The following CYLC1 variants were observed in gnomAD, a reference collection of about 807,000 sequenced individuals.
The protein encoded by CYLC1 is cylicin-1.
Under a neutral mutation model 31.6 loss-of-function variants are expected in CYLC1, and 2 were observed. The observed-to-expected ratio is 0.06, with a 90% CI of 0.03 to 0.20. CYLC1 has a LOEUF of 0.20. Ranked by LOEUF, CYLC1 falls within the 10% of genes least tolerant of loss-of-function variation. CYLC1 has a pLI of 1.00. For synonymous variants in CYLC1, 185 were observed against 153.0 expected (o/e 1.21, Z -1.54); for missense variants, 595 against 424.1 (o/e 1.40, Z -3.54).
Position 83,874,485 on chromosome X carries a change from G to C in CYLC1, c.1777G>C (p.Glu593Gln), listed in dbSNP as rs745762156. Residue 593 changes from glutamate (E) to glutamine (Q), a missense_variant, in exon 4 of 5, where the codon GAA becomes CAA. Glu to Gln is a conservative substitution (Grantham distance 29, BLOSUM62 2). Coordinates refer to ENST00000329312, the MANE Select transcript of CYLC1 (RefSeq NM_021118.3). The part of the protein sequence containing the change: ...SKKTTFNEKG[E>Q]KASTGRVPPS... Reference sequence around the variant, plus strand: ...AAAGACTACATTCAATGAAAAAGGGGAAAAAGCAAGTACAGGTAGAGTTCC... The same window carrying C: ...AAAGACTACATTCAATGAAAAAGGGCAAAAAGCAAGTACAGGTAGAGTTCC... 8.3e-7 allele frequency: 1 copy of C among 1,209,428 alleles called. No homozygotes were observed. Among genetic ancestry groups the C allele is most frequent in the Admixed American group, 2.2e-5 (1 of 45,659 alleles).
At chrX:83,864,815 C>T (rs1342252511) in intron 1 of CYLC1, 1 of 224,968 alleles carries the variant, frequency 4.4e-6, no homozygotes, top group Non-Finnish European at 8.2e-6. Flanking sequence ...ATATTCTTCT[C>T]TTGGTTATCA....
chrX:83,879,046 A>G (rs1173324825), intron 4 of CYLC1, among the ~76,000 whole-genome samples: 1 of 110,145 alleles, frequency 9.1e-6, no homozygotes, highest in Non-Finnish European at 1.9e-5. Context: ...TATAAATCTT[A>G]GCAATATTCT....
chrX:83,861,833 C>A (rs2031511877), intron 1 of CYLC1, among the ~76,000 whole-genome samples: 2 of 110,711 alleles, frequency 1.8e-5, no homozygotes, highest in African/African-American at 6.6e-5. Flanking sequence ...TTACACCTAC[C>A]AGATAATATC....
intron 1 of CYLC1, among the ~76,000 whole-genome samples, chrX:83,865,282 G>A (rs759377255): frequency 8.2e-5 from 9 of 109,934 alleles, no homozygotes; most frequent in Non-Finnish European, 1.1e-4. Flanking sequence ...ACACACACAC[G>A]CACCAACATA....
At chrX:83,884,234 G>T (rs370871350) in intron 4 of CYLC1, among the ~76,000 whole-genome samples, 4 of 111,439 alleles carry the variant, frequency 3.6e-5, no homozygotes, top group Non-Finnish European at 7.6e-5. Context: ...TTTTTTAGAA[G>T]AATGTTATTC....
intron 4 of CYLC1, among the ~76,000 whole-genome samples, chrX:83,876,948 G>C (rs1484768913): frequency 9.0e-6 from 1 of 110,700 alleles, no homozygotes; most frequent in Non-Finnish European, 1.9e-5. Context: ...AATATCTCCA[G>C]TTATGACCTT....
intron 4 of CYLC1, among the ~76,000 whole-genome samples, chrX:83,877,227 T>G (rs1262172098): frequency 9.0e-6 from 1 of 110,958 alleles, no homozygotes; most frequent in Non-Finnish European, 1.9e-5. Flanking sequence ...ATGTCCTGAC[T>G]GAATCCACTT....
intron 1 of CYLC1, among the ~76,000 whole-genome samples, chrX:83,863,183 A>T (rs1296626656): frequency 1.8e-5 from 2 of 111,469 alleles, no homozygotes; most frequent in Non-Finnish European, 3.8e-5. Context: ...TAATTATTTG[A>T]CTTTCTCTTC....
At chrX:83,869,769 T>A in intron 1 of CYLC1, 96 bp from the exon 2 acceptor site, 1 of 422,575 alleles carries the variant, frequency 2.4e-6, no homozygotes, top group South Asian at 1.1e-4. Flanking sequence ...GGGCTTTGTT[T>A]TTTTAGAAAT....
intron 4 of CYLC1, among the ~76,000 whole-genome samples, chrX:83,884,234 G>A (rs370871350): frequency 3.0e-3 from 336 of 111,488 alleles, no homozygotes; most frequent in Middle Eastern, 9.1e-3. Context: ...TTTTTTAGAA[G>A]AATGTTATTC....
chrX:83,880,658 G>A (rs911187228), intron 4 of CYLC1, among the ~76,000 whole-genome samples: 1 of 110,810 alleles, frequency 9.0e-6, no homozygotes, highest in African/African-American at 3.3e-5. Flanking sequence ...AGTATAAAAT[G>A]GGATATTAAT....
At chrX:83,866,746 A>G (rs1212616245) in intron 1 of CYLC1, among the ~76,000 whole-genome samples, 1 of 95,190 alleles carries the variant, frequency 1.1e-5, no homozygotes, top group African/African-American at 3.8e-5. Context: ...ATCTTCCAAC[A>G]CTAGCAAAAT....
intron 1 of CYLC1, among the ~76,000 whole-genome samples, chrX:83,863,161 T>C (rs1260982280): frequency 8.9e-6 from 1 of 111,916 alleles, no homozygotes; most frequent in African/African-American, 3.2e-5. Flanking sequence ...ATCAATCTCA[T>C]ATCTAACATT....
rs912967452 is a variant in CYLC1, at chrX:83,873,435, T to A, written c.727T>A (p.Leu243Ile). The A allele has an allele frequency of 1.7e-6, 2 of 1,201,177 alleles. No homozygotes were observed. The highest frequency in any genetic ancestry group is 3.5e-5 in the African/African-American group (2 of 56,737). Reference sequence around the variant, plus strand: ...ATCAGAGATTTGCTCAGAAAATAGTTTAAATGTTGATTTCCTCATGTTAGT... The same window carrying A: ...ATCAGAGATTTGCTCAGAAAATAGTATAAATGTTGATTTCCTCATGTTAGT... The part of the protein sequence containing the change: ...PISEICSENS[L>I]NVDFLMLVGQ... The change falls in exon 4 of 5, where the codon TTA (leucine) becomes ATA (isoleucine). Residue 243 changes from leucine (L) to isoleucine (I), a missense_variant. Leu to Ile is a conservative substitution (Grantham distance 5, BLOSUM62 2). Transcript: ENST00000329312.
Position 83,873,782 on chromosome X carries a change from C to A in CYLC1, c.1074C>A (p.Asp358Glu). 8.4e-7 allele frequency: 1 copy of A among 1,188,202 alleles called. No homozygotes were observed. The highest frequency in any genetic ancestry group is 1.1e-6 in the Non-Finnish European group (1 of 883,544). The change falls in exon 4 of 5, where the codon GAC becomes GAA. Residue 358 changes from aspartate (D) to glutamate (E), a missense_variant. Physicochemically the swap from Asp to Glu is conservative, Grantham distance 45. Coordinates refer to ENST00000329312, the MANE Select transcript of CYLC1 (RefSeq NM_021118.3). ...ATAAGAAAAAATTAAAGAAAGATGACAAGAAAAAGGACACAAAGAAGTACC... is the reference window on the plus strand; with the variant it reads ...ATAAGAAAAAATTAAAGAAAGATGAAAAGAAAAAGGACACAAAGAAGTACC... ...KKDKKKLKKD[D>E]KKKDTKKYPE...
chrX:83,865,342 G>A (rs2031578118), intron 1 of CYLC1, among the ~76,000 whole-genome samples: 1 of 110,898 alleles, frequency 9.0e-6, no homozygotes, highest in Admixed American at 9.6e-5. Context: ...TGAACATCCA[G>A]TACATCACCA....
chrX:83,863,438 A>G (rs1310269609), intron 1 of CYLC1, among the ~76,000 whole-genome samples: 1 of 111,407 alleles, frequency 9.0e-6, no homozygotes, highest in African/African-American at 3.3e-5. Context: ...TTAGATTTTT[A>G]CAGGCTCATG....
In CYLC1 at chrX:83,886,559, C is replaced by T. The variant is rs2031985504; in HGVS notation, c.1931C>T (p.Ala644Val). 1 of 1,206,672 alleles carries T rather than the reference C, an allele frequency of 8.3e-7. No individual in the cohort carries two copies. Among genetic ancestry groups the T allele is most frequent in the South Asian group, 1.8e-5 (1 of 56,622 alleles). The change falls in exon 5 of 5, where the codon GCA (alanine) becomes GTA (valine). Residue 644 changes from alanine (A) to valine (V), a missense_variant. Coordinates refer to ENST00000329312, the MANE Select transcript of CYLC1 (RefSeq NM_021118.3). Reference sequence around the variant, plus strand: ...TTCTACTTTGCTCCTCAGCCTGAAGCACCGTGGATTCATAAGCTGCTTTAA... The same window carrying T: ...TTCTACTTTGCTCCTCAGCCTGAAGTACCGTGGATTCATAAGCTGCTTTAA... ...PKPRYAPLPE[A>V]PWIHKLL
chrX:83,877,299 A>G (rs1209459348), intron 4 of CYLC1, among the ~76,000 whole-genome samples: 1 of 111,119 alleles, frequency 9.0e-6, no homozygotes, highest in Non-Finnish European at 1.9e-5. Context: ...GCATCTAGCT[A>G]TCCATTAACT....
Sources: allele counts gnomAD v4.1 joint callset (sites outside exome capture counted in the v4.1 genomes callset), GRCh38; gene constraint gnomAD v4.1.1; transcripts MANE v1.5; gene names NCBI Gene and HGNC (gene_info 2026-07-23, HGNC 2026-07-21).